The following ZNF609 variants were observed in gnomAD, a reference collection of about 807,000 sequenced individuals.
The protein encoded by ZNF609 is zinc finger protein 609.
ZNF609 carries 11 observed loss-of-function variants against 109.5 expected under a neutral mutation model. The ratio of observed to expected loss-of-function variants is 0.10; its 90% CI spans 0.06 to 0.17. The LOEUF is 0.17. Among genes scored for constraint, ZNF609 ranks in the 10% least tolerant of loss-of-function variants. The pLI is 1.00. For synonymous variants in ZNF609, 646 were observed against 662.0 expected, an observed-to-expected ratio of 0.98 and a Z score of 0.37; for missense variants, 1,559 against 1,772.4, an observed-to-expected ratio of 0.88 and a Z score of 2.16.
rs571931900 is a variant in ZNF609, at chr15:64,666,188, G to A, written c.974-4158G>A. Among the ~76,000 whole-genome samples the A allele has an allele frequency of 4.3e-4, 65 of 151,992 alleles. 1 individual carries two copies. In the South Asian group the frequency reaches 0.012, roughly 29 times the overall value. The stretch of plus-strand genomic sequence containing the variant: ...TTGGGTGGATCGCTTGGGGCCAGGA[G>A]TTCAAAACCAGCCTGGCCAACATGG... On this transcript the variant is annotated intron_variant, in intron 3 of 9. Coordinates refer to ENST00000326648, the MANE Select transcript of ZNF609 (RefSeq NM_015042.2).
At chr15:64,553,197 T>C (rs1027463975) in intron 2 of ZNF609, among the ~76,000 whole-genome samples, 1 of 152,146 alleles carries the variant, frequency 6.6e-6, no homozygotes, top group Non-Finnish European at 1.5e-5. Flanking sequence ...CTTTCAACTT[T>C]GTTCTTTCAA....
At chr15:64,502,805 G>A (rs1893579814) in intron 2 of ZNF609, 1 of 152,270 alleles carries the variant, frequency 6.6e-6, no homozygotes. Flanking sequence ...GGTGATTCAT[G>A]CCTGTAATCC....
At chr15:64,588,442 A>AGAG (rs749716670) in intron 2 of ZNF609, among the ~76,000 whole-genome samples, 1 of 75,272 alleles carries the variant, frequency 1.3e-5, no homozygotes, top group African/African-American at 5.1e-5. Context: ...AAAAAAAAAA[A>AGAG]AAGAAGAGGA....
chr15:64,498,277 T>C (rs1893511955), intron 1 of ZNF609, among the ~76,000 whole-genome samples: 2 of 152,182 alleles, frequency 1.3e-5, no homozygotes, highest in African/African-American at 2.4e-5. Context: ...CTTGAACTCC[T>C]GACCTCAGGT....
intron 3 of ZNF609, among the ~76,000 whole-genome samples, chr15:64,653,515 G>A (rs910272757): frequency 1.4e-4 from 21 of 152,150 alleles, no homozygotes; most frequent in Non-Finnish European, 2.2e-4. Flanking sequence ...GTGTGGCGGC[G>A]TGCGCCTGTA....
intron 3 of ZNF609, among the ~76,000 whole-genome samples, chr15:64,666,986 C>T (rs1004386174): frequency 3.3e-5 from 5 of 151,910 alleles, no homozygotes; most frequent in Non-Finnish European, 5.9e-5. Flanking sequence ...AAAAATTAGC[C>T]GGGTGTGGTG....
intron 2 of ZNF609, among the ~76,000 whole-genome samples, chr15:64,510,195 ATT>A (rs143141691): frequency 7.7e-6 from 1 of 129,038 alleles, no homozygotes; most frequent in African/African-American, 2.6e-5. Flanking sequence ...CATTGTTATA[ATT>A]TTTTTTTCTT....
chr15:64,564,643 C>G (rs1894745080), intron 2 of ZNF609, among the ~76,000 whole-genome samples: 1 of 151,556 alleles, frequency 6.6e-6, no homozygotes, highest in Non-Finnish European at 1.5e-5. Context: ...CAAGGGAAAC[C>G]AGAATCTGTA....
At chr15:64,562,407 C>T (rs1208552747) in intron 2 of ZNF609, among the ~76,000 whole-genome samples, 1 of 152,156 alleles carries the variant, frequency 6.6e-6, no homozygotes, top group East Asian at 1.9e-4. Context: ...GATCACACAA[C>T]TAGAAAGAAG....
At chr15:64,560,388 A>G (rs745559880) in intron 2 of ZNF609, among the ~76,000 whole-genome samples, 1 of 151,500 alleles carries the variant, frequency 6.6e-6, no homozygotes, top group Non-Finnish European at 1.5e-5. Context: ...CCCCCCGCAG[A>G]AGATCCTTTG....
At chr15:64,663,673 C>G (rs1170853858) in intron 3 of ZNF609, among the ~76,000 whole-genome samples, 1 of 151,896 alleles carries the variant, frequency 6.6e-6, no homozygotes, top group Non-Finnish European at 1.5e-5. Flanking sequence ...GTTCTGGAAG[C>G]CAAGTGAAGG....
In ZNF609 at chr15:64,577,167, C is replaced by CA. The variant is rs772991429; in HGVS notation, c.748-45658dup. 3.1e-3 allele frequency among the ~76,000 whole-genome samples: 107 copies of CA among 34,102 alleles called. 29 individuals are homozygous for CA. Among genetic ancestry groups the CA allele is most frequent in the East Asian group, 0.012 (3 of 248 alleles). 22.4% of individuals were successfully genotyped at this position (34,102 alleles called of 152,430 possible). On this transcript the variant is annotated intron_variant, in intron 2 of 9. Transcript: ENST00000326648. ...ATATACATATGTGTATATATACACA[C>CA]AATATATACATATATGTGTATATAT...
chr15:64,536,954 G>A (rs1426467158), intron 2 of ZNF609, among the ~76,000 whole-genome samples: 15 of 149,768 alleles, frequency 1.0e-4, no homozygotes, highest in Non-Finnish European at 4.4e-5. Flanking sequence ...CGGGCACGGT[G>A]GCTCACACCT....
At chr15:64,582,718 TTTTTC>T (rs1385579175) in intron 2 of ZNF609, among the ~76,000 whole-genome samples, 2 of 40,588 alleles carry the variant, frequency 4.9e-5, no homozygotes, top group African/African-American at 9.4e-5. Context: ...CTTTCTTTCT[TTTTTC>T]TTTTTTTTTT....
chr15:64,508,013 T>C (rs557953640), intron 2 of ZNF609, among the ~76,000 whole-genome samples: 9 of 152,350 alleles, frequency 5.9e-5, no homozygotes, highest in African/African-American at 2.2e-4. Context: ...CTAGATGACA[T>C]TGACATAGTC....
rs544848845 is a variant in ZNF609 at position 64,642,159 on chromosome 15, G to A, written c.973+19107G>A. Among the ~76,000 whole-genome samples the A allele has an allele frequency of 5.8e-4, 88 of 152,244 alleles. No individual in the cohort carries two copies. In the Middle Eastern group the frequency reaches 0.017, roughly 29 times the overall value. On this transcript the variant is annotated intron_variant, in intron 3 of 9. Coordinates refer to ENST00000326648, the MANE Select transcript of ZNF609 (RefSeq NM_015042.2). ...TTTGCATTGCAGCAACAAATTTGGA[G>A]CTAAAATACAGGTTTTTGGTTTGTT...
At chr15:64,543,082 C>T (rs1340064109) in intron 2 of ZNF609, among the ~76,000 whole-genome samples, 1 of 152,060 alleles carries the variant, frequency 6.6e-6, no homozygotes, top group Non-Finnish European at 1.5e-5. Flanking sequence ...ATAGGTGCAG[C>T]AAACCACCGT....
intron 2 of ZNF609, among the ~76,000 whole-genome samples, chr15:64,556,106 T>C (rs1235401883): frequency 6.6e-6 from 1 of 151,494 alleles, no homozygotes; most frequent in Non-Finnish European, 1.5e-5. Flanking sequence ...TCCTCCTTTC[T>C]TAGCCTCCCA....
intron 2 of ZNF609, among the ~76,000 whole-genome samples, chr15:64,556,882 T>A (rs1294962540): frequency 6.6e-6 from 1 of 152,204 alleles, no homozygotes; most frequent in Non-Finnish European, 1.5e-5. Context: ...CTATCTGCTT[T>A]TTAAAAGGAT....
Sources: gnomAD v4.1 joint callset for allele counts (sites outside exome capture counted in the v4.1 genomes callset) on GRCh38, gnomAD v4.1.1 for gene constraint, MANE v1.5 for transcripts, NCBI Gene and HGNC (gene_info 2026-07-23, HGNC 2026-07-21) for gene names.